Variants in TSPOAP1 observed in about 807,000 individuals in gnomAD.
TSPOAP1 encodes peripheral-type benzodiazepine receptor-associated protein 1.
TSPOAP1 carries 87 observed loss-of-function variants against 197.0 expected under a neutral mutation model. That is an observed-to-expected ratio of 0.44 (90% CI 0.37 to 0.53). The LOEUF (loss-of-function observed/expected upper bound fraction) is 0.53. Ranked by LOEUF, TSPOAP1 falls within the 20% of genes least tolerant of loss-of-function variation. The probability of loss-of-function intolerance (pLI) is 0.00; values close to 1 mark genes in which losing one functional copy is unlikely to be tolerated. For synonymous variants in TSPOAP1, 913 were observed against 998.9 expected, an observed-to-expected ratio of 0.91 and a Z score of 1.62; for missense variants, 2,174 against 2,411.3, an observed-to-expected ratio of 0.90 and a Z score of 2.06.
chr17:58,320,164 A>T (rs1236737742), intron 11 of TSPOAP1, 35 bp from the exon 12 acceptor site: 1 of 1,613,874 alleles, frequency 6.2e-7, no homozygotes, highest in African/African-American at 1.3e-5. Flanking sequence ...ACAGGTTAGA[A>T]CCCTGAGCGC....
chr17:58,310,054 C>T lies in TSPOAP1; in HGVS notation c.3804G>A (p.Glu1268=), dbSNP rs1291387564. ...SDIQEEEEEE[E]EEEEEELGSR... is the part of the protein sequence containing the mutation. ...AACCCAGCTCCTCTTCCTCCTCCTC[C>T]TCCTCCTCTTCCTCTTCCTCCTGGA... Residue 1268 remains glutamate, a synonymous_variant, in exon 21 of 32, where the codon GAG becomes GAA. Coordinates refer to ENST00000343736, the MANE Select transcript of TSPOAP1 (RefSeq NM_004758.4). 6.2e-7 allele frequency: 1 copy of T among 1,613,648 alleles called. No individual in the cohort carries two copies. The highest frequency in any genetic ancestry group is 1.1e-5 in the South Asian group (1 of 91,084).
rs554769157 is a variant in TSPOAP1 at position 58,318,262 on chromosome 17, C to A, written c.1872+18G>T. The stretch of plus-strand genomic sequence containing the variant: ...CCCAAGCCAAAGCCAGAACTTCAGG[C>A]CCCACCCCAGCAATTACCTCAGGTG... On this transcript the variant is annotated intron_variant, in intron 14 of 31. Coordinates refer to ENST00000343736, the MANE Select transcript of TSPOAP1 (RefSeq NM_004758.4). 9.9e-6 allele frequency: 16 copies of A among 1,613,086 alleles called. No homozygotes were observed. In the South Asian group the frequency reaches 1.6e-4, roughly 17 times the overall value.
In TSPOAP1 at chr17:58,324,453, G is replaced by A. The variant is rs1205755410; in HGVS notation, c.942+358C>T. On this transcript the variant is annotated intron_variant, in intron 5 of 31. Transcript: ENST00000343736. This position sits in a 1 kb window ranked among gnomAD's most constrained non-coding sequence, Gnocchi z 5.8. ...GCTGACGGGGGCGTCCCCGCTCTAC[G>A]GCGGCGGCGGGAGGAGGCGGCGCGG... is the stretch of plus-strand genomic sequence containing the variant. 6.6e-6 allele frequency among the ~76,000 whole-genome samples: 1 copy of A among 151,856 alleles called. No homozygotes were observed. The highest frequency in any genetic ancestry group is 1.5e-5 in the Non-Finnish European group (1 of 67,916).
rs141758338 is a variant in TSPOAP1, at chr17:58,322,206, G to A, written c.1422+102C>T. 78 of 1,192,736 alleles carry A rather than the reference G, an allele frequency of 6.5e-5. No individual in the cohort carries two copies. In the Admixed American group the frequency reaches 6.9e-4, roughly 11 times the overall value. The allele number at this position is 1,192,736 out of a possible 1,614,324, so 73.9% of individuals were successfully genotyped here. A position where few individuals can be genotyped will look rare whatever the true frequency, so the allele number is the denominator to read the frequency against. ...GGTCTTTGTTCCCCACAGTCTCCCC[G>A]ACGCCTAGCACAGTGCCGGGCACAC... is the stretch of plus-strand genomic sequence containing the variant. On this transcript the variant is annotated intron_variant, in intron 10 of 31. Transcript: ENST00000343736. This position sits in a 1 kb window ranked among gnomAD's most constrained non-coding sequence, Gnocchi z 5.0.
At position 58,327,662 on chromosome 17, in the gene TSPOAP1, G is replaced by GGC. The variant is rs1971688554; in HGVS notation, c.257_258dup (p.Leu87AlafsTer25). 1 of 1,613,728 alleles carries GGC rather than the reference G, an allele frequency of 6.2e-7. No homozygotes were observed. The highest frequency in any genetic ancestry group is 1.3e-5 in the African/African-American group (1 of 75,068). On this transcript the variant is annotated frameshift_variant, in exon 1 of 32. Transcript: ENST00000343736. LOFTEE classifies it high-confidence loss of function. Reference sequence around the variant, plus strand: ...CCAGAGCTGGATGCTTGCTGGCCCAGGCTGGGCAGACAAGCCTCTGCTCCT... The same window carrying GGC: ...CCAGAGCTGGATGCTTGCTGGCCCAGGCGCTGGGCAGACAAGCCTCTGCTCCT...
At chr17:58,320,251 C>A (rs1971365979) in intron 11 of TSPOAP1, 122 bp from the exon 12 acceptor site, 1 of 1,207,026 alleles carries the variant, frequency 8.3e-7, no homozygotes, top group South Asian at 1.3e-5. Flanking sequence ...CCTGGACTGA[C>A]TAGCAGTTCC....
rs916904699 is a variant in TSPOAP1, at chr17:58,315,593, T to C, written c.2098+430A>G. 2.6e-5 allele frequency among the ~76,000 whole-genome samples: 4 copies of C among 152,304 alleles called. No homozygotes were observed. The East Asian group carries it at 7.7e-4, about 29-fold the overall frequency. ...CTAACCGCTTGAGAACACCTTCCCC[T>C]GGGATCTTTACCCTGATTCCTCCTT... is the stretch of plus-strand genomic sequence containing the variant. On this transcript the variant is annotated intron_variant, in intron 16 of 31. Transcript: ENST00000343736.
At position 58,310,547 on chromosome 17, in the gene TSPOAP1, C is replaced by T. The variant is rs1487645286; in HGVS notation, c.3664G>A (p.Gly1222Arg). ...QAPNTEMCQGGDPGSGLRPRA... is the reference protein window; with the variant it reads ...QAPNTEMCQGRDPGSGLRPRA... The stretch of plus-strand genomic sequence containing the variant: ...GGCCTCAGCCCAGACCCTGGGTCTC[C>T]TCCTTGGCACATCTCGGTATTTGGC... Residue 1222 changes from glycine (G) to arginine (R), a missense_variant, in exon 20 of 32, where the codon GGA becomes AGA. This residue lies in a region of TSPOAP1 where 1,933 missense variants were observed against 2,139.0 expected (regional missense o/e 0.90). Transcript: ENST00000343736. 1 of 1,613,494 alleles carries T rather than the reference C, an allele frequency of 6.2e-7. No homozygotes were observed. Among genetic ancestry groups the T allele is most frequent in the Non-Finnish European group, 8.5e-7 (1 of 1,180,036 alleles).
At position 58,309,156 on chromosome 17, in the gene TSPOAP1, A is replaced by G; in HGVS notation, c.4116T>C (p.Gly1372=). The change falls in exon 22 of 32, where the codon GGT becomes GGC. Residue 1372 remains glycine, a synonymous_variant. Coordinates refer to ENST00000343736, the MANE Select transcript of TSPOAP1 (RefSeq NM_004758.4). This position sits in a 1 kb window ranked among gnomAD's most constrained non-coding sequence, Gnocchi z 5.0. ...GACACTGGCCAGGTCTTCGGGGCTG[A>G]CCACTGTCACAGCCCAGCCCCAGCA... The part of the protein sequence containing the change: ...PALLGLGCDS[G]QPRRPGQCPL... The G allele has an allele frequency of 6.2e-7, 1 of 1,613,836 alleles. No individual in the cohort carries two copies. Among genetic ancestry groups the G allele is most frequent in the South Asian group, 1.1e-5 (1 of 91,066 alleles).
Position 58,327,753 on chromosome 17 carries a change from C to T in TSPOAP1, c.168G>A (p.Arg56=). The part of the protein sequence containing the change: ...PPAALQLQEL[R]SEESSKPKGD... Reference sequence around the variant, plus strand: ...CTTTGGGCTTGGAACTCTCCTCAGACCTCAGTTCTTGAAGCTGCAGAGCTG... The same window carrying T: ...CTTTGGGCTTGGAACTCTCCTCAGATCTCAGTTCTTGAAGCTGCAGAGCTG... The change falls in exon 1 of 32, where the codon AGG becomes AGA. Residue 56 remains arginine (R), a synonymous_variant. Coordinates refer to ENST00000343736, the MANE Select transcript of TSPOAP1 (RefSeq NM_004758.4). 2 of 1,614,226 alleles carry T rather than the reference C, an allele frequency of 1.2e-6. No individual in the cohort carries two copies. The highest frequency in any genetic ancestry group is 1.7e-6 in the Non-Finnish European group (2 of 1,180,050).
In TSPOAP1 at chr17:58,322,105, T is replaced by C. The variant is rs897655230; in HGVS notation, c.1422+203A>G. ...GTCACTTTGTCACATCACCCTGTTC[T>C]TCTCCACCACTGTGCTCATCAGTGT... On this transcript the variant is annotated intron_variant, in intron 10 of 31. Transcript: ENST00000343736. This position sits in a 1 kb window ranked among gnomAD's most constrained non-coding sequence, Gnocchi z 5.0. The C allele has an allele frequency of 5.2e-6, 3 of 577,786 alleles. No homozygotes were observed. The highest frequency in any genetic ancestry group is 6.1e-6 in the Non-Finnish European group (2 of 328,422). 35.8% of individuals were successfully genotyped at this position (577,786 alleles called of 1,614,324 possible). A position where few individuals can be genotyped will look rare whatever the true frequency, so the allele number is the denominator to read the frequency against.
intron 26 of TSPOAP1, among the ~76,000 whole-genome samples, 159 bp downstream of exon 26, chr17:58,306,183 T>C (rs1053845166): frequency 7.9e-5 from 12 of 151,298 alleles, no homozygotes; most frequent in Non-Finnish European, 1.6e-4. Flanking sequence ...TCCCTTTACC[T>C]GCTCAAAAAC....
Position 58,322,404 on chromosome 17 carries a change from C to T in TSPOAP1, c.1326G>A (p.Arg442=). 6.2e-7 allele frequency: 1 copy of T among 1,606,414 alleles called. No individual in the cohort carries two copies. The highest frequency in any genetic ancestry group is 8.5e-7 in the Non-Finnish European group (1 of 1,179,956). Residue 442 remains arginine, a synonymous_variant, in exon 10 of 32, where the codon CGG becomes CGA. Transcript: ENST00000343736. This position sits in a 1 kb window ranked among gnomAD's most constrained non-coding sequence, Gnocchi z 5.0. ...GCTGCTGCCGCCGCTGGGCCACCTCCCGCATGTGCTGAAACACAAGATCTG... is the reference window on the plus strand; with the variant it reads ...GCTGCTGCCGCCGCTGGGCCACCTCTCGCATGTGCTGAAACACAAGATCTG... ...ESLEQVLKHM[R]EVAQRRQQLE...
chr17:58,315,418 G>C (rs1971198509), intron 16 of TSPOAP1, among the ~76,000 whole-genome samples: 1 of 152,244 alleles, frequency 6.6e-6, no homozygotes, highest in Non-Finnish European at 1.5e-5. Flanking sequence ...GCCACCCTGA[G>C]AGAGTCTCCC....
chr17:58,310,774 A>G, intron 19 of TSPOAP1, 23 bp from the exon 20 acceptor site: 2 of 1,603,758 alleles, frequency 1.2e-6, no homozygotes, highest in Non-Finnish European at 1.7e-6. Context: ...GCACTGAGGA[A>G]GGACCCAAGC....
At position 58,326,972 on chromosome 17, in the gene TSPOAP1, C is replaced by T. The variant is rs1235796224; in HGVS notation, c.334-182G>A. ...CTAGGAGAAGGAACTGTCCAGTCCT[C>T]CCTGTCCACATAGACACCCCCAAAC... On this transcript the variant is annotated intron_variant, in intron 1 of 31. Transcript: ENST00000343736. The surrounding 1 kb of genome is among the most constrained non-coding windows in gnomAD (Gnocchi z 4.7). 2.6e-5 allele frequency among the ~76,000 whole-genome samples: 4 copies of T among 152,146 alleles called. No individual in the cohort carries two copies. Among genetic ancestry groups the T allele is most frequent in the African/African-American group, 9.7e-5 (4 of 41,408 alleles).
At chr17:58,313,479 T>C (rs1971129951) in intron 16 of TSPOAP1, among the ~76,000 whole-genome samples, 3 of 151,910 alleles carry the variant, frequency 2.0e-5, no homozygotes, top group African/African-American at 7.3e-5. Flanking sequence ...TGGGAGTGGT[T>C]GCACGCCTGC....
chr17:58,313,627 T>G (rs1423743266), intron 16 of TSPOAP1, among the ~76,000 whole-genome samples: 9 of 147,022 alleles, frequency 6.1e-5, no homozygotes, highest in Admixed American at 6.1e-4. Context: ...AAAAAAAAAA[T>G]TCTGCTGGTT....
Position 58,328,119 on chromosome 17 carries a change from G to C in TSPOAP1, c.-199C>G. Reference sequence around the variant, plus strand: ...GCCAGGGCTGCTGGAGCTGGAGCCAGGGGTATGTGAGCTATGTTTGCTGGT... The same window carrying C: ...GCCAGGGCTGCTGGAGCTGGAGCCACGGGTATGTGAGCTATGTTTGCTGGT... On this transcript the variant is annotated 5_prime_UTR_variant, in exon 1 of 32. Transcript: ENST00000343736. This position sits in a 1 kb window ranked among gnomAD's most constrained non-coding sequence, Gnocchi z 4.3. The C allele has an allele frequency of 1.7e-6, 1 of 598,722 alleles. No individual in the cohort carries two copies. Among genetic ancestry groups the C allele is most frequent in the Non-Finnish European group, 3.0e-6 (1 of 338,318 alleles). The allele number at this position is 598,722 out of a possible 1,614,324, so 37.1% of individuals were successfully genotyped here.
Sources: allele counts gnomAD v4.1 joint callset (sites outside exome capture counted in the v4.1 genomes callset), GRCh38; gene constraint gnomAD v4.1.1; regional missense constraint gnomAD v4.1.1; non-coding constraint Gnocchi (gnomAD v3.1); transcripts MANE v1.5; gene names NCBI Gene and HGNC (gene_info 2026-07-23, HGNC 2026-07-21).